LAMA1: variants seen among roughly 807,000 people sequenced by gnomAD.
LAMA1 encodes laminin subunit alpha-1.
LAMA1 carries 219 observed loss-of-function variants against 348.7 expected under a neutral mutation model. That is an observed-to-expected ratio of 0.63 (90% CI 0.56 to 0.70). LAMA1 has a LOEUF of 0.70. LAMA1 is among the 30% of genes least tolerant of loss of function. The pLI, the probability that LAMA1 is intolerant of heterozygous loss-of-function variation, is 0.00. For synonymous variants in LAMA1, 1,487 were observed against 1,491.0 expected (o/e 1.00, Z 0.06); for missense variants, 3,744 against 3,888.0 (o/e 0.96, Z 0.99).
chr18:7,048,216 A>C (rs573170475), intron 5 of LAMA1, among the ~76,000 whole-genome samples: 2 of 152,334 alleles, frequency 1.3e-5, no homozygotes, highest in South Asian at 4.1e-4. Context: ...TGGACAAAAA[A>C]AATCTGATCG....
At chr18:7,040,953 G>T (rs1031983577) in intron 9 of LAMA1, among the ~76,000 whole-genome samples, 1 of 152,116 alleles carries the variant, frequency 6.6e-6, no homozygotes, top group Admixed American at 6.6e-5. Context: ...CAAAGAAAAA[G>T]GTAATTAACG....
At chr18:6,975,085 G>C (rs113477994) in intron 45 of LAMA1, 49 bp from the exon 46 acceptor site, 130 of 1,598,734 alleles carry the variant, frequency 8.1e-5, no homozygotes, top group Non-Finnish European at 1.1e-4. Context: ...TGGACTGTTT[G>C]CTGACCACCA....
chr18:7,014,044 T>C lies in LAMA1; in HGVS notation c.3134A>G (p.Asn1045Ser). 2.5e-6 allele frequency: 4 copies of C among 1,613,530 alleles called. No homozygotes were observed. Among genetic ancestry groups the C allele is most frequent in the Non-Finnish European group, 3.4e-6 (4 of 1,179,612 alleles). Residue 1045 changes from asparagine to serine, a missense_variant, in exon 23 of 63, where the codon AAT (asparagine) becomes AGT (serine). Asn to Ser is a conservative substitution (Grantham distance 46). Coordinates refer to ENST00000389658, the MANE Select transcript of LAMA1 (RefSeq NM_005559.4). Reference sequence around the variant, plus strand: ...ATGAGTCGACCCCACGAGACTGCAATTGCAGGCCTGAGAGAAGGGAAAACC... The same window carrying C: ...ATGAGTCGACCCCACGAGACTGCAACTGCAGGCCTGAGAGAAGGGAAAACC... ...YDAEVGCQAC[N>S]CSLVGSTHHR...
At chr18:6,985,111 A>C in intron 39 of LAMA1, 126 bp downstream of exon 39, 1 of 1,143,152 alleles carries the variant, frequency 8.7e-7, no homozygotes, top group Non-Finnish European at 1.3e-6. Context: ...TTGCCAGGTA[A>C]ATAAAACAGG....
intron 3 of LAMA1, among the ~76,000 whole-genome samples, chr18:7,066,228 C>T (rs2058122374): frequency 6.6e-6 from 1 of 152,192 alleles, no homozygotes; most frequent in Non-Finnish European, 1.5e-5. Flanking sequence ...CATCCCAGTG[C>T]ATATTCGTGA....
At position 7,017,260 on chromosome 18, in the gene LAMA1, T is replaced by C. The variant is rs745914286; in HGVS notation, c.2808+18A>G. 1.8e-5 allele frequency: 29 copies of C among 1,586,226 alleles called. No homozygotes were observed. The highest frequency in any genetic ancestry group is 2.4e-5 in the Non-Finnish European group (28 of 1,155,942). The stretch of plus-strand genomic sequence containing the variant: ...TCTGTACCAAGGCTAAGGTGTCAAT[T>C]AGTCACATGCATCTTACCAAGCACT... On this transcript the variant is annotated intron_variant, in intron 20 of 62. Coordinates refer to ENST00000389658, the MANE Select transcript of LAMA1 (RefSeq NM_005559.4).
chr18:6,979,727 A>G (rs11873233), intron 42 of LAMA1, among the ~76,000 whole-genome samples: 6,116 of 151,674 alleles, frequency 0.04, 193 homozygotes, highest in African/African-American at 0.082. Context: ...GTGAAACCCC[A>G]TCTCTACTAA....
intron 3 of LAMA1, among the ~76,000 whole-genome samples, chr18:7,052,196 A>T (rs1045406036): frequency 5.9e-5 from 9 of 152,064 alleles, no homozygotes; most frequent in African/African-American, 2.2e-4. Context: ...TGGGAGGCCA[A>T]AGCTGGTGGA....
chr18:6,973,650 T>C (rs1199056203), intron 46 of LAMA1, among the ~76,000 whole-genome samples: 1 of 152,250 alleles, frequency 6.6e-6, no homozygotes, highest in Non-Finnish European at 1.5e-5. Flanking sequence ...CCTTATTTTC[T>C]GTCCTTGACT....
At chr18:7,071,269 T>C (rs10221290) in intron 3 of LAMA1, among the ~76,000 whole-genome samples, 2,077 of 152,348 alleles carry the variant, frequency 0.014, 42 homozygotes, top group African/African-American at 0.047. Flanking sequence ...CCGTGATTTT[T>C]GTACCTGCAA....
At chr18:7,077,205 T>C (rs1446341403) in intron 3 of LAMA1, among the ~76,000 whole-genome samples, 5 of 145,106 alleles carry the variant, frequency 3.4e-5, no homozygotes, top group African/African-American at 1.3e-4. Flanking sequence ...TTTTCTTTTT[T>C]TTTTTTTTTT....
chr18:7,063,792 A>G (rs1160635397), intron 3 of LAMA1, among the ~76,000 whole-genome samples: 4 of 152,230 alleles, frequency 2.6e-5, no homozygotes, highest in Admixed American at 2.6e-4. Context: ...TGTAAGCTTG[A>G]TTACCCAGAG....
At chr18:7,098,506 G>C (rs565854935) in intron 1 of LAMA1, among the ~76,000 whole-genome samples, 3 of 147,834 alleles carry the variant, frequency 2.0e-5, no homozygotes, top group African/African-American at 7.6e-5. Context: ...CCGCCGCCCC[G>C]TCTGGGATGT....
intron 50 of LAMA1, 87 bp downstream of exon 50, chr18:6,965,201 A>G: frequency 6.6e-7 from 1 of 1,512,368 alleles, no homozygotes; most frequent in South Asian, 1.1e-5. Flanking sequence ...CCAGGAAACT[A>G]CTGTGGAAAA....
At chr18:6,957,688 A>AGGCAGAGGGTG (rs2057586265) in intron 55 of LAMA1, among the ~76,000 whole-genome samples, 1 of 152,164 alleles carries the variant, frequency 6.6e-6, no homozygotes, top group Non-Finnish European at 1.5e-5. Context: ...CCCTGTCCAG[A>AGGCAGAGGGTG]GGCAGAGGGT....
At chr18:6,951,259 G>A (rs2057545429) in intron 57 of LAMA1, among the ~76,000 whole-genome samples, 1 of 152,212 alleles carries the variant, frequency 6.6e-6, no homozygotes, top group Non-Finnish European at 1.5e-5. Context: ...AGTGGGTCCT[G>A]TAGAGGCCAA....
intron 1 of LAMA1, among the ~76,000 whole-genome samples, chr18:7,096,014 G>A (rs1171276152): frequency 6.6e-6 from 1 of 152,252 alleles, no homozygotes; most frequent in African/African-American, 2.4e-5. Flanking sequence ...GTTGCAGTGA[G>A]CCGAGATCGC....
chr18:6,978,420 C>A, intron 42 of LAMA1, 42 bp from the exon 43 acceptor site: 1 of 1,524,692 alleles, frequency 6.6e-7, no homozygotes, highest in South Asian at 1.1e-5. Context: ...CTGGTGCTTA[C>A]ACACAGAGAA....
chr18:7,111,900 A>G (rs935255540), intron 1 of LAMA1, among the ~76,000 whole-genome samples: 4 of 152,126 alleles, frequency 2.6e-5, no homozygotes, highest in Non-Finnish European at 5.9e-5. Context: ...CAAGGTGTAG[A>G]CTTAACTTCT....
Sources: gnomAD v4.1 joint callset for allele counts (sites outside exome capture counted in the v4.1 genomes callset) on GRCh38, gnomAD v4.1.1 for gene constraint, MANE v1.5 for transcripts, NCBI Gene and HGNC (gene_info 2026-07-23, HGNC 2026-07-21) for gene names.